HOMER2: variants seen among roughly 807,000 people sequenced by gnomAD.
HOMER2 encodes the protein homer scaffold protein 2.
In HOMER2, 27 loss-of-function variants were observed where a neutral mutation model predicts 47.0. The observed-to-expected ratio is 0.57, with a 90% confidence interval of 0.42 to 0.79. The LOEUF is 0.79. Ranked by LOEUF, HOMER2 falls within the 30% of genes least tolerant of loss-of-function variation. HOMER2 has a pLI of 0.00. For missense variants in HOMER2, 443 were observed against 435.0 expected (o/e 1.02, Z -0.16); for synonymous variants, 161 against 163.8 (o/e 0.98, Z 0.13).
chr15:82,874,768 G>A (rs1031322621), intron 3 of HOMER2, among the ~76,000 whole-genome samples: 1 of 152,212 alleles, frequency 6.6e-6, no homozygotes, highest in African/African-American at 2.4e-5. Flanking sequence ...CAGAGACAAA[G>A]TGTGCCTTAC....
chr15:82,842,172 TA>T (rs1178141029), exon 2 of HOMER2: 1 of 152,142 alleles, frequency 6.6e-6, no homozygotes, highest in African/African-American at 2.4e-5. Context: ...CTGAGAAACA[TA>T]AAACATAAAT....
intron 7 of HOMER2, 139 bp downstream of exon 7, chr15:82,852,003 C>T: frequency 1.6e-6 from 1 of 624,098 alleles, no homozygotes; most frequent in Non-Finnish European, 2.8e-6. Context: ...CTGCACCTTG[C>T]TGTGGCTCCC....
At chr15:82,966,710 C>T (rs2054678287) in intron 1 of HOMER2, among the ~76,000 whole-genome samples, 1 of 152,232 alleles carries the variant, frequency 6.6e-6, no homozygotes, top group African/African-American at 2.4e-5. Context: ...AGTGGTCTCA[C>T]TGGCATTTCA....
At chr15:82,983,378 G>T (rs1201361267) in intron 1 of HOMER2, among the ~76,000 whole-genome samples, 1 of 152,032 alleles carries the variant, frequency 6.6e-6, no homozygotes, top group Non-Finnish European at 1.5e-5. Flanking sequence ...TACATATCTG[G>T]GTAGAGCCTC....
chr15:82,925,765 A>G (rs1447532751), intron 1 of HOMER2: 2 of 151,916 alleles, frequency 1.3e-5, no homozygotes, highest in African/African-American at 4.8e-5. Flanking sequence ...CCTTCAGAAC[A>G]TTTTCACAGC....
chr15:82,863,441 C>T (rs2051859457), intron 4 of HOMER2, among the ~76,000 whole-genome samples: 1 of 152,212 alleles, frequency 6.6e-6, no homozygotes, highest in Non-Finnish European at 1.5e-5. Flanking sequence ...TCTCCAAGCA[C>T]ATCTCAACGC....
intron 1 of HOMER2, among the ~76,000 whole-genome samples, chr15:82,931,950 A>T (rs1318421567): frequency 6.6e-6 from 1 of 152,256 alleles, no homozygotes; most frequent in Non-Finnish European, 1.5e-5. Flanking sequence ...GTCACTTTAA[A>T]TTTACTGAAT....
chr15:82,893,336 T>G lies in HOMER2; in HGVS notation c.6-495A>C, dbSNP rs553684136. Among the ~76,000 whole-genome samples the G allele has an allele frequency of 3.4e-5, 5 of 149,120 alleles. No homozygotes were observed. In the South Asian group the frequency reaches 1.1e-3, roughly 32 times the overall value. On this transcript the variant is annotated intron_variant, in intron 1 of 8. Coordinates refer to ENST00000450735, the MANE Select transcript of HOMER2 (RefSeq NM_004839.4). ...TGAATGACATAATTTTATCTTTTTT[T>G]TTTTTTTTTTTTTGGATATAGAGTC...
At chr15:82,934,102 T>C (rs757136160) in intron 1 of HOMER2, among the ~76,000 whole-genome samples, 7 of 151,916 alleles carry the variant, frequency 4.6e-5, no homozygotes, top group Non-Finnish European at 7.4e-5. Flanking sequence ...AACCAGTGAG[T>C]CCCTGAGAGC....
intron 5 of HOMER2, among the ~76,000 whole-genome samples, chr15:82,857,150 G>A (rs1026781988): frequency 3.3e-5 from 5 of 152,114 alleles, no homozygotes; most frequent in Non-Finnish European, 7.3e-5. Context: ...AGGTGAGGGC[G>A]TGAGGATGAA....
chr15:82,875,487 G>A, intron 2 of HOMER2, 83 bp from the exon 3 acceptor site: 1 of 1,441,108 alleles, frequency 6.9e-7, no homozygotes, highest in Non-Finnish European at 9.6e-7. Context: ...TATTGGCAAA[G>A]CCAGTGCTTC....
chr15:82,870,039 A>C (rs890390406), intron 3 of HOMER2, among the ~76,000 whole-genome samples: 1 of 152,224 alleles, frequency 6.6e-6, no homozygotes, highest in Non-Finnish European at 1.5e-5. Context: ...ACTTATTAAA[A>C]TTGTGGTAAT....
intron 1 of HOMER2, among the ~76,000 whole-genome samples, chr15:82,919,440 G>T (rs561841995): frequency 3.3e-5 from 5 of 152,122 alleles, no homozygotes; most frequent in African/African-American, 1.2e-4. Context: ...CCACCTCCCT[G>T]CAGAATTCAG....
chr15:82,974,557 AT>A (rs1311690764), intron 1 of HOMER2, among the ~76,000 whole-genome samples: 2 of 152,240 alleles, frequency 1.3e-5, no homozygotes, highest in African/African-American at 4.8e-5. Flanking sequence ...GGAGAGAGAC[AT>A]ATTTCCCTAG....
intron 1 of HOMER2, among the ~76,000 whole-genome samples, chr15:82,894,814 AGAC>A (rs2052852699): frequency 6.6e-6 from 1 of 151,304 alleles, no homozygotes; most frequent in Non-Finnish European, 1.5e-5. Flanking sequence ...AAAGAGACAT[AGAC>A]AAGATACAAA....
At chr15:82,965,431 C>T (rs143664355) in intron 1 of HOMER2, among the ~76,000 whole-genome samples, 97 of 152,276 alleles carry the variant, frequency 6.4e-4, no homozygotes, top group African/African-American at 2.3e-3. Context: ...CCAATCTGAC[C>T]TAATAGAAGT....
intron 1 of HOMER2, among the ~76,000 whole-genome samples, chr15:82,976,370 T>C (rs990419384): frequency 3.3e-5 from 5 of 152,088 alleles, no homozygotes; most frequent in African/African-American, 1.2e-4. Flanking sequence ...CAATCTCAGC[T>C]CATTGCAACC....
intron 1 of HOMER2, among the ~76,000 whole-genome samples, chr15:82,929,101 T>C (rs2053937581): frequency 6.6e-6 from 1 of 152,052 alleles, no homozygotes; most frequent in Non-Finnish European, 1.5e-5. Context: ...AACCCTGCTG[T>C]GTGTCAAGAT....
intron 1 of HOMER2, among the ~76,000 whole-genome samples, chr15:82,978,248 T>G (rs2030273470): frequency 6.6e-6 from 1 of 152,200 alleles, no homozygotes; most frequent in Admixed American, 6.5e-5. Context: ...CAATGCTCAT[T>G]GCTAAAGATG....
Sources: gnomAD v4.1 joint callset for allele counts (sites outside exome capture counted in the v4.1 genomes callset) on GRCh38, gnomAD v4.1.1 for gene constraint, MANE v1.5 for transcripts, NCBI Gene and HGNC (gene_info 2026-07-23, HGNC 2026-07-21) for gene names.